RGS16: variants seen among roughly 807,000 people sequenced by gnomAD.
RGS16 encodes the protein regulator of G protein signaling 16.
A neutral mutation model predicts 18.1 loss-of-function variants in RGS16; 12 were observed. The observed-to-expected ratio is 0.66, with a 90% CI of 0.42 to 1.07. The LOEUF (loss-of-function observed/expected upper bound fraction) is 1.07, where lower values mean the gene tolerates loss of function less well. Ranked by LOEUF, RGS16 falls within the 50% of genes least tolerant of loss-of-function variation. The pLI, the probability that RGS16 is intolerant of heterozygous loss-of-function variation, is 0.00. For synonymous variants in RGS16, 88 were observed against 102.0 expected, an observed-to-expected ratio of 0.86 and a Z score of 0.83; for missense variants, 238 against 249.2, an observed-to-expected ratio of 0.95 and a Z score of 0.30.
intron 1 of RGS16, 127 bp downstream of exon 1, chr1:182,604,089 C>G: frequency 2.3e-6 from 2 of 869,168 alleles, no homozygotes; most frequent in Non-Finnish European, 3.6e-6. Context: ...GCATCAAGTG[C>G]GCTTCTACCT....
intron 4 of RGS16, among the ~76,000 whole-genome samples, chr1:182,601,695 A>G (rs1282089591): frequency 1.3e-5 from 2 of 152,206 alleles, no homozygotes; most frequent in African/African-American, 4.8e-5. Flanking sequence ...TTGAGCCTCT[A>G]AAAACGGATG....
intron 1 of RGS16, 55 bp downstream of exon 1, chr1:182,604,161 C>T (rs572616609): frequency 7.1e-5 from 110 of 1,542,944 alleles, no homozygotes; most frequent in Admixed American, 2.6e-4. Context: ...CCTGCCGCTC[C>T]ACTCCCTAAG....
At position 182,604,329 on chromosome 1, in the gene RGS16, G is replaced by A; in HGVS notation, c.-70C>T. On this transcript the variant is annotated 5_prime_UTR_variant, in exon 1 of 5. Coordinates refer to ENST00000367558, the MANE Select transcript of RGS16 (RefSeq NM_002928.4). ...GCTCCAGGAGGCTCCGCGTGCGCCAGGAAGCAAAGGCGCGGTAGCAGGTGC... is the reference window on the plus strand; with the variant it reads ...GCTCCAGGAGGCTCCGCGTGCGCCAAGAAGCAAAGGCGCGGTAGCAGGTGC... 1 of 1,464,868 alleles carries A rather than the reference G, an allele frequency of 6.8e-7. No homozygotes were observed. The highest frequency in any genetic ancestry group is 1.3e-5 in the South Asian group (1 of 78,100). The allele number at this position is 1,464,868 out of a possible 1,614,324, so 90.7% of individuals were successfully genotyped here. A position where few individuals can be genotyped will look rare whatever the true frequency, so the allele number is the denominator to read the frequency against.
At chr1:182,602,818 C>T (rs911114921) in intron 2 of RGS16, among the ~76,000 whole-genome samples, 5 of 151,968 alleles carry the variant, frequency 3.3e-5, no homozygotes, top group African/African-American at 1.2e-4. Context: ...AAATAAGGTC[C>T]TCATAAATAG....
chr1:182,601,975 G>A lies in RGS16; in HGVS notation c.378C>T (p.Ala126=), dbSNP rs1193791310. The change falls in exon 4 of 5, where the codon GCC becomes GCT. Residue 126 remains alanine (A), a synonymous_variant. Coordinates refer to ENST00000367558, the MANE Select transcript of RGS16 (RefSeq NM_002928.4). ...ATATGGGGGCTCTAACCTCTTTAGG[G>A]GCCTCACTGCAAATGAACTCCTCAA... ...QIFEEFICSE[A]PKEVNIDHET... 1.2e-6 allele frequency: 2 copies of A among 1,614,122 alleles called. No individual in the cohort carries two copies.
Position 182,604,357 on chromosome 1 carries a change from G to A in RGS16, c.-98C>T, listed in dbSNP as rs912801390. 3.2e-6 allele frequency: 4 copies of A among 1,257,146 alleles called. No homozygotes were observed. Among genetic ancestry groups the A allele is most frequent in the Non-Finnish European group, 4.4e-6 (4 of 918,706 alleles). 77.9% of individuals were successfully genotyped at this position (1,257,146 alleles called of 1,614,324 possible). A position where few individuals can be genotyped will look rare whatever the true frequency, so the allele number is the denominator to read the frequency against. On this transcript the variant is annotated 5_prime_UTR_variant, in exon 1 of 5. Coordinates refer to ENST00000367558, the MANE Select transcript of RGS16 (RefSeq NM_002928.4). The stretch of plus-strand genomic sequence containing the variant: ...AGCAAAGGCGCGGTAGCAGGTGCTA[G>A]TCAACTGCGGTTGGGTTTAGCAGCC...
At chr1:182,604,154 G>A (rs1661913173) in intron 1 of RGS16, 62 bp downstream of exon 1, 1 of 1,536,366 alleles carries the variant, frequency 6.5e-7, no homozygotes, top group African/African-American at 1.4e-5. Context: ...CCCCAGGCCT[G>A]CCGCTCCACT....
At chr1:182,602,182 G>C in intron 3 of RGS16, 50 bp from the exon 4 acceptor site, 1 of 1,586,306 alleles carries the variant, frequency 6.3e-7, no homozygotes. Flanking sequence ...GGGACAGCAG[G>C]GAATACAAGA....
rs938647978 is a variant in RGS16, at chr1:182,602,355, C to T, written c.220+65G>A. The T allele has an allele frequency of 2.1e-6, 3 of 1,404,624 alleles. No homozygotes were observed. The African/African-American group carries it at 4.3e-5, about 20-fold the overall frequency. The allele number at this position is 1,404,624 out of a possible 1,614,324, so 87.0% of individuals were successfully genotyped here. ...GCCCAGGCTCTCAGCAGTCCTGGGG[C>T]TGGCTCCAAAGCACATGAGTACACA... On this transcript the variant is annotated intron_variant, in intron 3 of 4. Transcript: ENST00000367558.
In RGS16 at chr1:182,600,221, C is replaced by T. The variant is rs536710505; in HGVS notation, c.*71G>A. ...TGCTTTGCAGAACCTGCCTCCCACA[C>T]AGGGGCAGCCACCTCGGGGATGGGT... is the stretch of plus-strand genomic sequence containing the variant. On this transcript the variant is annotated 3_prime_UTR_variant, in exon 5 of 5. Coordinates refer to ENST00000367558, the MANE Select transcript of RGS16 (RefSeq NM_002928.4). 315 of 1,077,054 alleles carry T rather than the reference C, an allele frequency of 2.9e-4. No individual in the cohort carries two copies. In the African/African-American group the frequency reaches 4.0e-3, roughly 14 times the overall value. The allele number at this position is 1,077,054 out of a possible 1,614,324, so 66.7% of individuals were successfully genotyped here. A position where few individuals can be genotyped will look rare whatever the true frequency, so the allele number is the denominator to read the frequency against.
In RGS16 at chr1:182,599,905, C is replaced by G; in HGVS notation, c.*387G>C. On this transcript the variant is annotated 3_prime_UTR_variant, in exon 5 of 5. Coordinates refer to ENST00000367558, the MANE Select transcript of RGS16 (RefSeq NM_002928.4). ...CAGGCAAAACAGCTGATCTGGATGT[C>G]TTTCCTCCTCTCATTTTCATGGTTC... 4.7e-6 allele frequency: 1 copy of G among 211,956 alleles called. No homozygotes were observed. Among genetic ancestry groups the G allele is most frequent in the Non-Finnish European group, 9.6e-6 (1 of 104,224 alleles). The allele number at this position is 211,956 out of a possible 1,614,324, so 13.1% of individuals were successfully genotyped here.
intron 1 of RGS16, among the ~76,000 whole-genome samples, 163 bp from the exon 2 acceptor site, chr1:182,603,502 C>G (rs1293589424): frequency 6.6e-6 from 1 of 152,084 alleles, no homozygotes; most frequent in Non-Finnish European, 1.5e-5. Flanking sequence ...CTTCTCTTAT[C>G]AGCATCATCA....
intron 1 of RGS16, 106 bp downstream of exon 1, chr1:182,604,110 G>T: frequency 1.7e-6 from 2 of 1,161,884 alleles, no homozygotes; most frequent in Non-Finnish European, 2.5e-6. Context: ...CTCTACTCAA[G>T]CCTCTAGCGC....
intron 1 of RGS16, 144 bp downstream of exon 1, chr1:182,604,072 G>T: frequency 1.3e-6 from 1 of 754,068 alleles, no homozygotes; most frequent in Non-Finnish European, 2.2e-6. Context: ...TGGAATCTGA[G>T]CACGTGGCAT....
At position 182,599,474 on chromosome 1, in the gene RGS16, G is replaced by A. The variant is rs949203398; in HGVS notation, c.*818C>T. ...TCCAAGAGACAGCACAGAACTCAGA[G>A]AGGGCACATCCAGGAAGAGGCCCCA... On this transcript the variant is annotated 3_prime_UTR_variant, in exon 5 of 5. Transcript: ENST00000367558. 3 of 152,544 alleles carry A rather than the reference G, an allele frequency of 2.0e-5. No homozygotes were observed. Among genetic ancestry groups the A allele is most frequent in the Non-Finnish European group, 1.5e-5 (1 of 68,118 alleles). 9.4% of individuals were successfully genotyped at this position (152,544 alleles called of 1,614,324 possible). A position where few individuals can be genotyped will look rare whatever the true frequency, so the allele number is the denominator to read the frequency against.
At chr1:182,602,259 C>G in intron 3 of RGS16, 127 bp from the exon 4 acceptor site, 1 of 1,176,064 alleles carries the variant, frequency 8.5e-7, no homozygotes, top group Non-Finnish European at 1.2e-6. Context: ...CAATGACCTG[C>G]CTTTATATGT....
intron 1 of RGS16, 31 bp downstream of exon 1, chr1:182,604,185 T>G: frequency 5.8e-6 from 9 of 1,550,982 alleles, no homozygotes; most frequent in Non-Finnish European, 7.8e-6. Flanking sequence ...TGGTGGGACT[T>G]CCCCCAAGCA....
chr1:182,600,179 TTTTGTC>T lies in RGS16; in HGVS notation c.*107_*112del. The T allele has an allele frequency of 3.8e-6, 2 of 527,240 alleles. No individual in the cohort carries two copies. Among genetic ancestry groups the T allele is most frequent in the Non-Finnish European group, 6.4e-6 (2 of 313,814 alleles). The allele number at this position is 527,240 out of a possible 1,614,324, so 32.7% of individuals were successfully genotyped here. ...GCATTTTTTTTTTTTTTTTTTTTTTTTTTGTCCTCTTGCACTTGCTTTGCAGAACCT... is the reference window on the plus strand; with the variant it reads ...GCATTTTTTTTTTTTTTTTTTTTTTTCTCTTGCACTTGCTTTGCAGAACCT... On this transcript the variant is annotated 3_prime_UTR_variant, in exon 5 of 5. Coordinates refer to ENST00000367558, the MANE Select transcript of RGS16 (RefSeq NM_002928.4).
intron 3 of RGS16, 43 bp downstream of exon 3, chr1:182,602,377 C>T (rs757922999): frequency 6.4e-7 from 1 of 1,569,774 alleles, no homozygotes; most frequent in Non-Finnish European, 8.8e-7. Flanking sequence ...CACATGAGTA[C>T]ACATGTGCCA....
Sources: gnomAD v4.1 joint callset for allele counts (sites outside exome capture counted in the v4.1 genomes callset) on GRCh38, gnomAD v4.1.1 for gene constraint, MANE v1.5 for transcripts, NCBI Gene and HGNC (gene_info 2026-07-23, HGNC 2026-07-21) for gene names.